The following ANKRD17 variants were observed in gnomAD, a reference collection of about 807,000 sequenced individuals.
ANKRD17 encodes the protein ankyrin repeat domain-containing protein 17.
In ANKRD17, 19 loss-of-function variants were observed where a neutral mutation model predicts 229.7. The observed-to-expected ratio is 0.08, with a 90% CI of 0.06 to 0.12. ANKRD17 has a LOEUF of 0.12. ANKRD17 is among the 10% of genes least tolerant of loss of function. The probability of loss-of-function intolerance (pLI) is 1.00; values close to 1 mark genes in which losing one functional copy is unlikely to be tolerated. For missense variants in ANKRD17, 2,176 were observed against 3,176.8 expected, an observed-to-expected ratio of 0.68 and a Z score of 7.57; for synonymous variants, 1,112 against 1,146.1, an observed-to-expected ratio of 0.97 and a Z score of 0.60.
chr4:73,214,788 C>A (rs1357799070), intron 1 of ANKRD17, among the ~76,000 whole-genome samples: 1 of 144,360 alleles, frequency 6.9e-6, no homozygotes, highest in African/African-American at 2.6e-5. Context: ...TAAAACAGGA[C>A]TGCTTGAAGC....
chr4:73,086,919 A>AAAAAAAATTATATAT (rs1553911000), intron 29 of ANKRD17, among the ~76,000 whole-genome samples: 1 of 12,464 alleles, frequency 8.0e-5, no homozygotes, highest in East Asian at 1.7e-3. Context: ...AAAAAAAAAA[A>AAAAAAAATTATATAT]ATATATATAT....
At chr4:73,124,307 TCTAG>T (rs1727151668) in intron 18 of ANKRD17, among the ~76,000 whole-genome samples, 1 of 46,392 alleles carries the variant, frequency 2.2e-5, no homozygotes, top group Non-Finnish European at 4.1e-5. Context: ...AAAAAGGTTA[TCTAG>T]CTGATTATAA....
At chr4:73,204,071 C>G (rs1318594096) in intron 1 of ANKRD17, among the ~76,000 whole-genome samples, 8 of 151,726 alleles carry the variant, frequency 5.3e-5, no homozygotes, top group Non-Finnish European at 8.8e-5. Flanking sequence ...AAAAGATAAA[C>G]AATCTTGTAC....
chr4:73,153,746 AAC>A (rs1731299725), intron 6 of ANKRD17, 132 bp downstream of exon 6: 3 of 570,038 alleles, frequency 5.3e-6, no homozygotes, highest in Admixed American at 3.9e-5. Flanking sequence ...CAACACTGCA[AAC>A]ACTTATTTAA....
chr4:73,164,129 C>T (rs1353986851), intron 2 of ANKRD17, among the ~76,000 whole-genome samples: 2 of 152,026 alleles, frequency 1.3e-5, no homozygotes, highest in African/African-American at 2.4e-5. Context: ...TATATGAAGG[C>T]ACTATTGAGA....
rs150785652 is a variant in ANKRD17, at chr4:73,085,337, G to A, written c.7071C>T (p.Pro2357=). The A allele has an allele frequency of 6.4e-5, 104 of 1,614,078 alleles. No homozygotes were observed. Among genetic ancestry groups the A allele is most frequent in the Non-Finnish European group, 8.7e-5 (103 of 1,180,008 alleles). The change falls in exon 30 of 34, where the codon CCC becomes CCT. Residue 2357 remains proline (P), a synonymous_variant. Transcript: ENST00000358602. The stretch of plus-strand genomic sequence containing the variant: ...TAGCAGCTGCGGGTGCTCCTCCAAG[G>A]GGTGCCCCAGGTCCGTACATCTGAC... ...SGGQMYGPGA[P]LGGAPAAANF...
chr4:73,119,464 A>G (rs1726425148), intron 21 of ANKRD17, among the ~76,000 whole-genome samples: 1 of 152,196 alleles, frequency 6.6e-6, no homozygotes, highest in Non-Finnish European at 1.5e-5. Context: ...AACAGGGCTC[A>G]AAAAGTTCCA....
chr4:73,157,809 G>A (rs1478122755), intron 3 of ANKRD17, among the ~76,000 whole-genome samples: 2 of 152,130 alleles, frequency 1.3e-5, no homozygotes, highest in African/African-American at 2.4e-5. Flanking sequence ...GAACACGTCC[G>A]CCGGGCACAG....
At chr4:73,171,316 A>G (rs901983082) in intron 2 of ANKRD17, among the ~76,000 whole-genome samples, 1 of 152,136 alleles carries the variant, frequency 6.6e-6, no homozygotes. Context: ...AAAACCACCA[A>G]GGTGGTACCT....
intron 1 of ANKRD17, among the ~76,000 whole-genome samples, chr4:73,190,772 A>G (rs1736964445): frequency 6.6e-6 from 1 of 152,034 alleles, no homozygotes; most frequent in South Asian, 2.1e-4. Context: ...AATAAAATGT[A>G]AAATGGAAGA....
At chr4:73,100,243 G>C (rs1380290381) in intron 25 of ANKRD17, among the ~76,000 whole-genome samples, 2 of 152,150 alleles carry the variant, frequency 1.3e-5, no homozygotes, top group Non-Finnish European at 2.9e-5. Flanking sequence ...GGGAAGAGGG[G>C]CTGGCACATG....
intron 1 of ANKRD17, among the ~76,000 whole-genome samples, chr4:73,227,545 G>A (rs1005613957): frequency 4.6e-5 from 7 of 152,092 alleles, no homozygotes; most frequent in African/African-American, 7.2e-5. Context: ...GCCAACAGAA[G>A]TATTAAAGTG....
chr4:73,177,475 G>A lies in ANKRD17; in HGVS notation c.452C>T (p.Ser151Phe). 6.2e-7 allele frequency: 1 copy of A among 1,613,730 alleles called. No homozygotes were observed. Among genetic ancestry groups the A allele is most frequent in the Non-Finnish European group, 8.5e-7 (1 of 1,179,784 alleles). The change falls in exon 2 of 34, where the codon TCC becomes TTC. Residue 151 changes from serine (S) to phenylalanine (F), a missense_variant. Physicochemically the swap from Ser to Phe is radical, Grantham distance 155. This residue lies in a region of ANKRD17 where 184 missense variants were observed against 357.8 expected (regional missense o/e 0.51). Transcript: ENST00000358602. ...DLENPMLETA[S>F]KLLLSGTADG... ...AGCAGTACCTGATAAGAGCAACTTG[G>A]AAGCTGTTTCCAGCATTGGATTTTC...
intron 24 of ANKRD17, among the ~76,000 whole-genome samples, chr4:73,110,290 A>G (rs150311940): frequency 6.6e-6 from 1 of 152,334 alleles, no homozygotes; most frequent in East Asian, 1.9e-4. Context: ...TAAATGCTCA[A>G]TAAATAAATG....
chr4:73,122,505 C>T (rs1056480062), intron 18 of ANKRD17, among the ~76,000 whole-genome samples: 2 of 152,106 alleles, frequency 1.3e-5, no homozygotes, highest in African/African-American at 4.8e-5. Flanking sequence ...TACTGATGGG[C>T]CATTCACAGA....
chr4:73,076,090 TTAG>T lies in ANKRD17; in HGVS notation c.*138_*140del. 1.9e-6 allele frequency: 1 copy of T among 526,860 alleles called. No homozygotes were observed. The highest frequency in any genetic ancestry group is 3.2e-6 in the Non-Finnish European group (1 of 312,668). The allele number at this position is 526,860 out of a possible 1,614,324, so 32.6% of individuals were successfully genotyped here. ...CAAATGTTCACAGAAAATAGGTCAG[TTAG>T]TAAGATCTTCTGCAAAAAGCCTACA... On this transcript the variant is annotated 3_prime_UTR_variant, in exon 34 of 34. Transcript: ENST00000358602.
intron 1 of ANKRD17, among the ~76,000 whole-genome samples, chr4:73,181,072 T>C (rs1251936153): frequency 1.3e-5 from 2 of 152,196 alleles, no homozygotes; most frequent in Admixed American, 1.3e-4. Context: ...TATTCTTCCC[T>C]TTCAGATTCT....
intron 24 of ANKRD17, among the ~76,000 whole-genome samples, chr4:73,106,198 C>T (rs1025506680): frequency 1.3e-5 from 2 of 151,574 alleles, no homozygotes; most frequent in African/African-American, 4.9e-5. Flanking sequence ...GAGCCGAGAT[C>T]GCGCCACTGC....
chr4:73,240,259 A>G (rs1167030855), intron 1 of ANKRD17, among the ~76,000 whole-genome samples: 1 of 152,130 alleles, frequency 6.6e-6, no homozygotes, highest in Admixed American at 6.5e-5. Flanking sequence ...AGGGAGGGAA[A>G]GAGAAAAGAA....
Sources: gnomAD v4.1 joint callset for allele counts (sites outside exome capture counted in the v4.1 genomes callset) on GRCh38, gnomAD v4.1.1 for gene constraint, gnomAD v4.1.1 regional missense constraint, MANE v1.5 for transcripts, NCBI Gene and HGNC (gene_info 2026-07-23, HGNC 2026-07-21) for gene names.